Variants in ADNP observed in about 807,000 individuals in gnomAD.
The protein encoded by ADNP is activity dependent neuroprotector homeobox, also known as activity-dependent neuroprotector homeobox protein.
A neutral mutation model predicts 84.9 loss-of-function variants in ADNP; 4 were observed. The ratio of observed to expected loss-of-function variants is 0.05; its 90% CI spans 0.02 to 0.11. The LOEUF (loss-of-function observed/expected upper bound fraction) is 0.11, where lower values mean the gene tolerates loss of function less well. ADNP is among the 10% of genes least tolerant of loss of function. The pLI is 1.00. For synonymous variants in ADNP, 554 were observed against 468.1 expected, an observed-to-expected ratio of 1.18 and a Z score of -2.37; for missense variants, 1,132 against 1,326.0, an observed-to-expected ratio of 0.85 and a Z score of 2.27.
Position 50,931,215 on chromosome 20 carries a change from TGCGGGAGGGGGAG to T in ADNP, c.-667_-655del, listed in dbSNP as rs1984738503. The T allele has an allele frequency of 1.0e-5, 1 of 100,130 alleles. No homozygotes were observed. The highest frequency in any genetic ancestry group is 2.0e-5 in the Non-Finnish European group (1 of 50,756). 6.2% of individuals were successfully genotyped at this position (100,130 alleles called of 1,614,324 possible). The stretch of plus-strand genomic sequence containing the variant: ...CGCCAAAATCCCCCTTAGCGCTGCC[TGCGGGAGGGGGAG>T]GGGGCACAAGATGGCGGCGGCCGGG... On this transcript the variant is annotated 5_prime_UTR_variant, in exon 1 of 6. Coordinates refer to ENST00000621696, the MANE Select transcript of ADNP (RefSeq NM_001282531.3).
intron 2 of ADNP, among the ~76,000 whole-genome samples, chr20:50,924,726 T>G (rs1984173809): frequency 6.6e-6 from 1 of 152,154 alleles, no homozygotes; most frequent in Admixed American, 6.5e-5. Flanking sequence ...ACATGAGAAG[T>G]GACATATAAA....
chr20:50,893,925 G>C lies in ADNP; in HGVS notation c.789C>G (p.Pro263=), dbSNP rs1168565109. ...AMIGHTNVVV[P]RSKPLMLIAP... ...CAATTAGCATCAAGGGTTTGGATCG[G>C]GGAACCACTACATTTGTGTGCCCAA... is the stretch of plus-strand genomic sequence containing the variant. Residue 263 remains proline (P), a synonymous_variant, in exon 6 of 6, where the codon CCC becomes CCG. Transcript: ENST00000621696. The surrounding 1 kb of genome is among the most constrained non-coding windows in gnomAD (Gnocchi z 4.4). 2 of 1,613,960 alleles carry C rather than the reference G, an allele frequency of 1.2e-6. No individual in the cohort carries two copies. Among genetic ancestry groups the C allele is most frequent in the African/African-American group, 2.7e-5 (2 of 74,904 alleles).
intron 4 of ADNP, 96 bp from the exon 5 acceptor site, chr20:50,902,205 G>C (rs1274254128): frequency 2.2e-6 from 2 of 921,476 alleles, no homozygotes; most frequent in African/African-American, 3.3e-5. Flanking sequence ...GATGGGGAGA[G>C]GCACAGGAAA....
chr20:50,902,212 G>A (rs1251763172), intron 4 of ADNP, 103 bp from the exon 5 acceptor site: 1 of 785,208 alleles, frequency 1.3e-6, no homozygotes, highest in Non-Finnish European at 2.1e-6. Flanking sequence ...AGAGGCACAG[G>A]AAAACCAACG....
Position 50,892,487 on chromosome 20 carries a change from C to T in ADNP, c.2227G>A (p.Glu743Lys). The T allele has an allele frequency of 6.2e-7, 1 of 1,614,206 alleles. No homozygotes were observed. Among genetic ancestry groups the T allele is most frequent in the Non-Finnish European group, 8.5e-7 (1 of 1,180,042 alleles). The change falls in exon 6 of 6, where the codon GAA becomes AAA. Residue 743 changes from glutamate to lysine, a missense_variant. Around this residue, in one of 10 missense-constraint regions of ADNP, gnomAD observed 101 missense variants for 78.5 expected, o/e 1.29. Coordinates refer to ENST00000621696, the MANE Select transcript of ADNP (RefSeq NM_001282531.3). ...ACAACAGGCTCTTCAGGCTTCTCTT[C>T]AAAGAAGCTGGGTGAATCACTATCA... ...DDDSDSPSFF[E>K]EKPEEPVVLA...
Position 50,899,376 on chromosome 20 carries a change from A to T in ADNP, c.201+2641T>A, listed in dbSNP as rs376912268. On this transcript the variant is annotated intron_variant, in intron 5 of 5. Coordinates refer to ENST00000621696, the MANE Select transcript of ADNP (RefSeq NM_001282531.3). ...CAGGCATCTGCCACCACACCTGGCGAATTTTCGTATTTTTAGTAGAGAGGG... is the reference window on the plus strand; with the variant it reads ...CAGGCATCTGCCACCACACCTGGCGTATTTTCGTATTTTTAGTAGAGAGGG... Among the ~76,000 whole-genome samples, 14 of 151,936 alleles carry T rather than the reference A, an allele frequency of 9.2e-5. No homozygotes were observed. In the East Asian group the frequency reaches 2.3e-3, roughly 25 times the overall value.
rs1317049027 is a variant in ADNP, at chr20:50,931,352, G to A, written c.-791C>T. The A allele has an allele frequency of 1.3e-5, 2 of 152,822 alleles. No individual in the cohort carries two copies. The highest frequency in any genetic ancestry group is 2.9e-5 in the Non-Finnish European group (2 of 68,466). 9.5% of individuals were successfully genotyped at this position (152,822 alleles called of 1,614,324 possible). On this transcript the variant is annotated 5_prime_UTR_variant, in exon 1 of 6. Coordinates refer to ENST00000621696, the MANE Select transcript of ADNP (RefSeq NM_001282531.3). ...GCGGCAACGGGCGGGGGAGGGGGCTGATCCCGCGTCTCCCCTCAGCAGACA... is the reference window on the plus strand; with the variant it reads ...GCGGCAACGGGCGGGGGAGGGGGCTAATCCCGCGTCTCCCCTCAGCAGACA...
rs1347829581 is a variant in ADNP at position 50,889,505 on chromosome 20, T to G, written c.*1900A>C. 3 of 186,560 alleles carry G rather than the reference T, an allele frequency of 1.6e-5. No individual in the cohort carries two copies. Among genetic ancestry groups the G allele is most frequent in the African/African-American group, 7.0e-5 (3 of 43,008 alleles). 11.6% of individuals were successfully genotyped at this position (186,560 alleles called of 1,614,324 possible). ...TTCCTTAAAGGTTCTAGTCTACTCT[T>G]GCACTTCTTCCTGTACTGTTGTTGA... On this transcript the variant is annotated 3_prime_UTR_variant, in exon 6 of 6. Transcript: ENST00000621696.
At chr20:50,915,738 A>G (rs1244469048) in intron 2 of ADNP, among the ~76,000 whole-genome samples, 1 of 152,218 alleles carries the variant, frequency 6.6e-6, no homozygotes, top group Non-Finnish European at 1.5e-5. Context: ...AAAGTTTAGT[A>G]TCCTCTTTCC....
At position 50,893,909 on chromosome 20, in the gene ADNP, T is replaced by A; in HGVS notation, c.805A>T (p.Met269Leu). 1 of 1,614,164 alleles carries A rather than the reference T, an allele frequency of 6.2e-7. No individual in the cohort carries two copies. Among genetic ancestry groups the A allele is most frequent in the Non-Finnish European group, 8.5e-7 (1 of 1,179,984 alleles). ...NVVVPRSKPL[M>L]LIAPKPQDKK... ...TCTTGAGGTTTGGGAGCAATTAGCA[T>A]CAAGGGTTTGGATCGGGGAACCACT... Residue 269 changes from methionine to leucine, a missense_variant, in exon 6 of 6, where the codon ATG becomes TTG. Physicochemically the swap from Met to Leu is conservative, Grantham distance 15. Coordinates refer to ENST00000621696, the MANE Select transcript of ADNP (RefSeq NM_001282531.3). This position sits in a 1 kb window ranked among gnomAD's most constrained non-coding sequence, Gnocchi z 4.4.
intron 2 of ADNP, among the ~76,000 whole-genome samples, chr20:50,920,988 C>G (rs1983923001): frequency 6.6e-6 from 1 of 151,854 alleles, no homozygotes; most frequent in Non-Finnish European, 1.5e-5. Context: ...CTGCCACTTA[C>G]AAGCTTTGTG....
intron 5 of ADNP, 37 bp from the exon 6 acceptor site, chr20:50,894,549 T>C (rs1286272494): frequency 4.5e-6 from 7 of 1,543,712 alleles, no homozygotes; most frequent in Non-Finnish European, 6.1e-6. Context: ...AGAATGCCAC[T>C]TCAGATAGGC....
rs971146908 is a variant in ADNP, at chr20:50,889,625, T to C, written c.*1780A>G. ...CTTTTGGAAACAGACTCAGAAGTTA[T>C]GGACATCAGCCACTTCAGACTTCTT... On this transcript the variant is annotated 3_prime_UTR_variant, in exon 6 of 6. Transcript: ENST00000621696. 27 of 366,104 alleles carry C rather than the reference T, an allele frequency of 7.4e-5. No homozygotes were observed. The highest frequency in any genetic ancestry group is 4.6e-4 in the Admixed American group (10 of 21,756). The allele number at this position is 366,104 out of a possible 1,614,324, so 22.7% of individuals were successfully genotyped here.
intron 2 of ADNP, among the ~76,000 whole-genome samples, chr20:50,925,328 A>G (rs577727698): frequency 6.6e-6 from 1 of 151,590 alleles, no homozygotes; most frequent in Non-Finnish European, 1.5e-5. Flanking sequence ...CCAACTTGAG[A>G]AGCATGATAA....
chr20:50,918,911 G>A (rs1272589257), intron 2 of ADNP, among the ~76,000 whole-genome samples: 1 of 151,900 alleles, frequency 6.6e-6, no homozygotes, highest in Non-Finnish European at 1.5e-5. Context: ...ACAATCTAAT[G>A]GTAAATAAAC....
chr20:50,924,808 T>C (rs1984181330), intron 2 of ADNP, among the ~76,000 whole-genome samples: 1 of 152,228 alleles, frequency 6.6e-6, no homozygotes, highest in African/African-American at 2.4e-5. Flanking sequence ...ATATGCAGAT[T>C]CATTTTTAAT....
At chr20:50,895,383 T>C (rs1407257361) in intron 5 of ADNP, among the ~76,000 whole-genome samples, 1 of 152,188 alleles carries the variant, frequency 6.6e-6, no homozygotes, top group Non-Finnish European at 1.5e-5. Flanking sequence ...TGTTTAAACA[T>C]AGCTGAGCAC....
At chr20:50,899,297 A>G (rs1981724209) in intron 5 of ADNP, among the ~76,000 whole-genome samples, 1 of 151,852 alleles carries the variant, frequency 6.6e-6, no homozygotes. Flanking sequence ...CCCAGGTTCA[A>G]GCGATTCTCC....
Position 50,901,336 on chromosome 20 carries a change from A to C in ADNP, c.201+681T>G, listed in dbSNP as rs1476408041. ...CTGGGGTATTTAAAAAAAAAAAAAA[A>C]AAAAAAAAAAAGTCAAATATCTGAG... is the stretch of plus-strand genomic sequence containing the variant. On this transcript the variant is annotated intron_variant, in intron 5 of 5. Coordinates refer to ENST00000621696, the MANE Select transcript of ADNP (RefSeq NM_001282531.3). Among the ~76,000 whole-genome samples, 4 of 151,374 alleles carry C rather than the reference A, an allele frequency of 2.6e-5. 1 individual carries two copies. The highest frequency in any genetic ancestry group is 2.0e-4 in the Admixed American group (3 of 15,222).
Sources: allele counts gnomAD v4.1 joint callset (sites outside exome capture counted in the v4.1 genomes callset), GRCh38; gene constraint gnomAD v4.1.1; regional missense constraint gnomAD v4.1.1; non-coding constraint Gnocchi (gnomAD v3.1); transcripts MANE v1.5; gene names NCBI Gene and HGNC (gene_info 2026-07-23, HGNC 2026-07-21).